RALGPS1: variants seen among roughly 807,000 people sequenced by gnomAD.
RALGPS1 encodes ras-specific guanine nucleotide-releasing factor RalGPS1.
In RALGPS1, 19 loss-of-function variants were observed where a neutral mutation model predicts 78.8. The ratio of observed to expected loss-of-function variants is 0.24; its 90% confidence interval spans 0.17 to 0.35. The LOEUF is 0.35. Among genes scored for constraint, RALGPS1 ranks in the 10% least tolerant of loss-of-function variants. The probability of loss-of-function intolerance (pLI) is 1.00; values close to 1 mark genes in which losing one functional copy is unlikely to be tolerated. For missense variants in RALGPS1, 454 were observed against 688.3 expected (o/e 0.66, Z 3.81); for synonymous variants, 228 against 256.3 (o/e 0.89, Z 1.06).
chr9:126,935,453 A>G (rs1211104644), intron 1 of RALGPS1, among the ~76,000 whole-genome samples: 1 of 152,254 alleles, frequency 6.6e-6, no homozygotes, highest in Non-Finnish European at 1.5e-5. Context: ...AGGTAGGAAC[A>G]GCCACAACAA....
chr9:126,961,932 G>T (rs934848622), intron 1 of RALGPS1, among the ~76,000 whole-genome samples: 1 of 152,174 alleles, frequency 6.6e-6, no homozygotes, highest in Non-Finnish European at 1.5e-5. Context: ...CTGGCTGATG[G>T]TCACCATACA....
intron 11 of RALGPS1, among the ~76,000 whole-genome samples, chr9:127,194,623 G>C (rs1455146851): frequency 6.6e-6 from 1 of 152,146 alleles, no homozygotes; most frequent in Non-Finnish European, 1.5e-5. Flanking sequence ...ATGTTGGCCA[G>C]GCTGGTTTCG....
intron 8 of RALGPS1, among the ~76,000 whole-genome samples, chr9:127,081,815 C>T (rs1043434855): frequency 3.9e-5 from 6 of 152,220 alleles, no homozygotes; most frequent in Admixed American, 6.5e-5. Flanking sequence ...TCATGACCAT[C>T]AGCAAGCACA....
At position 127,027,948 on chromosome 9, in the gene RALGPS1, A is replaced by G. The variant is rs116544153; in HGVS notation, c.217-6483A>G. 3.3e-3 allele frequency among the ~76,000 whole-genome samples: 500 copies of G among 152,314 alleles called. 1 individual carries two copies. Among genetic ancestry groups the G allele is most frequent in the African/African-American group, 0.011 (477 of 41,568 alleles). On this transcript the variant is annotated intron_variant, in intron 4 of 18. Transcript: ENST00000259351. ...GTTTGTGGATTCAGCAAGTTACAGCATGTAAGTCCCCTAGCCCAGAGTCTA... is the reference window on the plus strand; with the variant it reads ...GTTTGTGGATTCAGCAAGTTACAGCGTGTAAGTCCCCTAGCCCAGAGTCTA...
chr9:127,034,402 AC>A, intron 4 of RALGPS1, 28 bp from the exon 5 acceptor site: 1 of 1,594,828 alleles, frequency 6.3e-7, no homozygotes, highest in Non-Finnish European at 8.6e-7. Flanking sequence ...AACTAGAATC[AC>A]TGTTGAAATT....
At chr9:127,121,212 T>C (rs920626453) in intron 8 of RALGPS1, among the ~76,000 whole-genome samples, 2 of 152,246 alleles carry the variant, frequency 1.3e-5, no homozygotes, top group Non-Finnish European at 2.9e-5. Context: ...TGTTAGCTGT[T>C]ACTCTCTGGC....
intron 8 of RALGPS1, among the ~76,000 whole-genome samples, chr9:127,085,823 C>A (rs2051662329): frequency 6.6e-6 from 1 of 152,172 alleles, no homozygotes; most frequent in Non-Finnish European, 1.5e-5. Flanking sequence ...GTCCCACACA[C>A]TCCACTCCAG....
At chr9:127,154,582 C>T (rs543499029) in intron 8 of RALGPS1, among the ~76,000 whole-genome samples, 3 of 152,328 alleles carry the variant, frequency 2.0e-5, no homozygotes, top group Admixed American at 6.5e-5. Flanking sequence ...ATCTAGCTAA[C>T]CCTCTGAAAA....
intron 11 of RALGPS1, among the ~76,000 whole-genome samples, chr9:127,175,022 A>G (rs2059777357): frequency 6.6e-6 from 1 of 152,192 alleles, no homozygotes; most frequent in Non-Finnish European, 1.5e-5. Flanking sequence ...CTGGGCCTGA[A>G]CAGCCCCAAG....
chr9:127,101,442 A>G (rs2053715414), intron 8 of RALGPS1, among the ~76,000 whole-genome samples: 1 of 152,158 alleles, frequency 6.6e-6, no homozygotes, highest in Non-Finnish European at 1.5e-5. Context: ...TCACTCCATG[A>G]GTCCCTCAAT....
intron 7 of RALGPS1, among the ~76,000 whole-genome samples, chr9:127,067,706 A>T (rs1274388134): frequency 2.0e-5 from 3 of 151,912 alleles, no homozygotes; most frequent in African/African-American, 7.3e-5. Flanking sequence ...GGCCAAAGGG[A>T]CTCCAACCCT....
At chr9:126,967,868 C>G (rs998542814) in intron 3 of RALGPS1, among the ~76,000 whole-genome samples, 2 of 152,156 alleles carry the variant, frequency 1.3e-5, no homozygotes, top group Admixed American at 6.6e-5. Flanking sequence ...TTGCATATCT[C>G]TTCCACTGGA....
At position 127,212,313 on chromosome 9, in the gene RALGPS1, G is replaced by C. The variant is rs774409865; in HGVS notation, c.1353+77G>C. 2 of 1,149,812 alleles carry C rather than the reference G, an allele frequency of 1.7e-6. No homozygotes were observed. Among genetic ancestry groups the C allele is most frequent in the Non-Finnish European group, 2.5e-6 (2 of 809,342 alleles). 71.2% of individuals were successfully genotyped at this position (1,149,812 alleles called of 1,614,324 possible). On this transcript the variant is annotated intron_variant, in intron 15 of 18. Coordinates refer to ENST00000259351, the MANE Select transcript of RALGPS1 (RefSeq NM_014636.3). The surrounding 1 kb of genome is among the most constrained non-coding windows in gnomAD (Gnocchi z 6.0). ...ATAGTGCCCACTCCTAGAGGTCTCA[G>C]CAAAAGTCACATGCATGGCAGAGGC...
At chr9:127,168,941 C>T (rs1236365788) in intron 10 of RALGPS1, among the ~76,000 whole-genome samples, 169 bp downstream of exon 10, 4 of 152,248 alleles carry the variant, frequency 2.6e-5, no homozygotes, top group African/African-American at 9.6e-5. Context: ...CAAGCACACG[C>T]GTGCAGTGTG....
At chr9:127,108,388 C>T in intron 8 of RALGPS1, 1 of 1,609,026 alleles carries the variant, frequency 6.2e-7, no homozygotes, top group Non-Finnish European at 8.5e-7. Flanking sequence ...GCTCACAATG[C>T]CGCCGTCCAC....
intron 7 of RALGPS1, among the ~76,000 whole-genome samples, chr9:127,057,719 C>T (rs995646722): frequency 1.4e-4 from 21 of 152,312 alleles, no homozygotes; most frequent in African/African-American, 4.6e-4. Flanking sequence ...TACACATCAC[C>T]GTGTGGCTGT....
chr9:127,019,315 TTTTTA>T (rs755898486), intron 4 of RALGPS1, among the ~76,000 whole-genome samples: 77 of 152,192 alleles, frequency 5.1e-4, no homozygotes, highest in African/African-American at 1.8e-3. Flanking sequence ...TACTGTTCAT[TTTTTA>T]TTTTATTTTA....
chr9:127,185,174 T>C (rs902065344), intron 11 of RALGPS1, among the ~76,000 whole-genome samples: 4 of 152,124 alleles, frequency 2.6e-5, no homozygotes, highest in Admixed American at 6.5e-5. Flanking sequence ...GTGTCAAGTC[T>C]TGGCCACATC....
chr9:126,975,986 A>C (rs948698495), intron 3 of RALGPS1, among the ~76,000 whole-genome samples: 4 of 152,110 alleles, frequency 2.6e-5, no homozygotes, highest in African/African-American at 4.8e-5. Context: ...AGCCAGCTGC[A>C]TGTTTTCCTC....
Sources: gnomAD v4.1 joint callset for allele counts (sites outside exome capture counted in the v4.1 genomes callset) on GRCh38, gnomAD v4.1.1 for gene constraint, Gnocchi (gnomAD v3.1) non-coding constraint, MANE v1.5 for transcripts, NCBI Gene and HGNC (gene_info 2026-07-23, HGNC 2026-07-21) for gene names.